Variants in ACAA2 observed in about 807,000 individuals in gnomAD.
ACAA2 encodes 3-ketoacyl-CoA thiolase, mitochondrial.
A neutral mutation model predicts 44.8 loss-of-function variants in ACAA2; 35 were observed. The observed-to-expected ratio is 0.78, with a 90% confidence interval of 0.60 to 1.04. ACAA2 has a LOEUF of 1.04. Among genes scored for constraint, ACAA2 ranks in the 50% least tolerant of loss-of-function variants. ACAA2 has a pLI of 0.00. For missense variants in ACAA2, 468 were observed against 482.6 expected, an observed-to-expected ratio of 0.97 and a Z score of 0.28; for synonymous variants, 142 against 166.5, an observed-to-expected ratio of 0.85 and a Z score of 1.13.
intron 2 of ACAA2, among the ~76,000 whole-genome samples, chr18:49,800,123 G>A: frequency 8.5e-6 from 1 of 118,034 alleles, no homozygotes; most frequent in African/African-American, 3.2e-5. Flanking sequence ...CCGTCCGGGA[G>A]GGAGGTGGGG....
chr18:49,805,049 TTAC>T (rs1339715790), intron 1 of ACAA2, among the ~76,000 whole-genome samples: 8 of 152,230 alleles, frequency 5.3e-5, no homozygotes, highest in Non-Finnish European at 5.9e-5. Context: ...GAGGGGACAC[TTAC>T]TATGGAATAG....
intron 9 of ACAA2, among the ~76,000 whole-genome samples, chr18:49,784,686 C>G (rs182188643): frequency 2.2e-3 from 329 of 152,222 alleles, no homozygotes; most frequent in African/African-American, 7.4e-3. Context: ...GCTCCTCCTT[C>G]TGGTACTATC....
intron 1 of ACAA2, 47 bp downstream of exon 1, chr18:49,813,422 G>A: frequency 2.4e-6 from 3 of 1,227,548 alleles, no homozygotes; most frequent in Non-Finnish European, 3.1e-6. Context: ...GGCCTGGGGA[G>A]GGCAGGACCC....
chr18:49,784,599 A>G (rs930065608), intron 9 of ACAA2, among the ~76,000 whole-genome samples: 3 of 152,206 alleles, frequency 2.0e-5, no homozygotes, highest in Non-Finnish European at 4.4e-5. Flanking sequence ...ACAGGGAGTC[A>G]GAGTAATTTT....
At chr18:49,786,932 T>C (rs1196635403) in intron 8 of ACAA2, among the ~76,000 whole-genome samples, 1 of 152,194 alleles carries the variant, frequency 6.6e-6, no homozygotes, top group African/African-American at 2.4e-5. Flanking sequence ...AATATTGCTT[T>C]TCTATTATGT....
intron 3 of ACAA2, 43 bp from the exon 4 acceptor site, chr18:49,795,924 C>T (rs1555790420): frequency 2.5e-6 from 3 of 1,212,916 alleles, no homozygotes; most frequent in Non-Finnish European, 3.6e-6. Flanking sequence ...TTTACCGTAC[C>T]CAAACAATGT....
chr18:49,805,294 A>C (rs1187057961), intron 1 of ACAA2, among the ~76,000 whole-genome samples: 1 of 152,158 alleles, frequency 6.6e-6, no homozygotes, highest in Non-Finnish European at 1.5e-5. Flanking sequence ...AAATATTTCT[A>C]TTTCAACCTC....
rs569933647 is a variant in ACAA2, at chr18:49,785,132, A to G, written c.1109+65T>C. 3.8e-6 allele frequency: 6 copies of G among 1,560,972 alleles called. No individual in the cohort carries two copies. In the African/African-American group the frequency reaches 5.5e-5, roughly 14 times the overall value. The stretch of plus-strand genomic sequence containing the variant: ...GAAAAATGTTGGAGTGTTCTGGGGA[A>G]GCCTAAATCCATGCATTTCTATAAA... On this transcript the variant is annotated intron_variant, in intron 9 of 9. Transcript: ENST00000285093.
chr18:49,793,678 TTTC>T (rs1425149308), intron 5 of ACAA2, among the ~76,000 whole-genome samples: 1 of 152,238 alleles, frequency 6.6e-6, no homozygotes, highest in Non-Finnish European at 1.5e-5. Flanking sequence ...AAATATCACA[TTTC>T]TTCAACTTGC....
chr18:49,805,764 T>C (rs557497476), intron 1 of ACAA2, among the ~76,000 whole-genome samples: 2 of 151,912 alleles, frequency 1.3e-5, no homozygotes, highest in Non-Finnish European at 2.9e-5. Flanking sequence ...TTTTTCTTTT[T>C]TTTTTTTGTA....
chr18:49,788,776 A>G (rs974666732), intron 7 of ACAA2, among the ~76,000 whole-genome samples: 2 of 152,224 alleles, frequency 1.3e-5, no homozygotes, highest in Non-Finnish European at 2.9e-5. Context: ...CCACCGTAAC[A>G]ATATGCTAGG....
Position 49,800,186 on chromosome 18 carries a change from C to T in ACAA2, c.183+2501G>A, listed in dbSNP as rs1342803417. 4.9e-4 allele frequency among the ~76,000 whole-genome samples: 68 copies of T among 139,818 alleles called. 1 individual carries two copies. The highest frequency in any genetic ancestry group is 1.6e-3 in the African/African-American group (59 of 36,698). The allele number at this position is 139,818 out of a possible 152,430, so 91.7% of individuals were successfully genotyped here. ...GTCTGGGAGGGAGGTGGGGGGTCAG[C>T]CCCCCGCCCGGCCAGCCGCCCCGTC... On this transcript the variant is annotated intron_variant, in intron 2 of 9. Coordinates refer to ENST00000285093, the MANE Select transcript of ACAA2 (RefSeq NM_006111.3).
intron 8 of ACAA2, 86 bp from the exon 9 acceptor site, chr18:49,785,437 A>G: frequency 1.5e-6 from 2 of 1,301,618 alleles, no homozygotes; most frequent in Non-Finnish European, 2.1e-6. Context: ...ATCAACAGCT[A>G]AGTCTGCTGT....
intron 9 of ACAA2, among the ~76,000 whole-genome samples, chr18:49,784,202 A>G (rs752622153): frequency 2.6e-5 from 4 of 152,190 alleles, no homozygotes; most frequent in Non-Finnish European, 5.9e-5. Flanking sequence ...AGGGTTATAG[A>G]GTAGATTTAG....
chr18:49,787,558 C>G (rs914457963), intron 7 of ACAA2, among the ~76,000 whole-genome samples, 197 bp from the exon 8 acceptor site: 4 of 151,972 alleles, frequency 2.6e-5, no homozygotes, highest in Non-Finnish European at 4.4e-5. Flanking sequence ...GGCATGGTGG[C>G]TCATGCCTGT....
chr18:49,803,892 T>C (rs898826067), intron 1 of ACAA2, among the ~76,000 whole-genome samples: 2 of 148,470 alleles, frequency 1.3e-5, no homozygotes, highest in East Asian at 4.0e-4. Context: ...ATGGACAACA[T>C]AAACTAATGA....
intron 1 of ACAA2, 97 bp from the exon 2 acceptor site, chr18:49,802,950 A>G (rs1046364833): frequency 2.8e-6 from 4 of 1,412,870 alleles, no homozygotes; most frequent in Admixed American, 1.7e-5. Flanking sequence ...ACAATTTAAA[A>G]TTAGATAATG....
chr18:49,784,370 G>C (rs1392729323), intron 9 of ACAA2, among the ~76,000 whole-genome samples: 1 of 152,160 alleles, frequency 6.6e-6, no homozygotes, highest in African/African-American at 2.4e-5. Context: ...TGGCACCTTA[G>C]AAGAAATGTA....
chr18:49,799,663 T>G (rs1487466514), intron 2 of ACAA2, among the ~76,000 whole-genome samples: 2 of 150,478 alleles, frequency 1.3e-5, no homozygotes, highest in Non-Finnish European at 3.0e-5. Context: ...GGAGCGTCTC[T>G]GCCTGGCCAC....
Sources: gnomAD v4.1 joint callset for allele counts (sites outside exome capture counted in the v4.1 genomes callset) on GRCh38, gnomAD v4.1.1 for gene constraint, MANE v1.5 for transcripts, NCBI Gene and HGNC (gene_info 2026-07-23, HGNC 2026-07-21) for gene names.